RIF1: variants seen among roughly 807,000 people sequenced by gnomAD.
The protein encoded by RIF1 is telomere-associated protein RIF1.
In RIF1, 45 loss-of-function variants were observed where a neutral mutation model predicts 247.1. The ratio of observed to expected loss-of-function variants is 0.18; its 90% CI spans 0.14 to 0.23. The LOEUF is 0.23. Among genes scored for constraint, RIF1 ranks in the 10% least tolerant of loss-of-function variants. RIF1 has a pLI of 1.00. For synonymous variants in RIF1, 1,087 were observed against 978.8 expected (o/e 1.11, Z -2.06); for missense variants, 2,967 against 2,862.5 (o/e 1.04, Z -0.83).
the RIF1 span, chr2:151,514,312 G>C: frequency 1.3e-6 from 2 of 1,591,498 alleles, no homozygotes; most frequent in Non-Finnish European, 1.7e-6. Context: ...TCAGCTGTGG[G>C]CCTACCTCAT....
chr2:151,491,452 GATA>G (rs1218245712), intron 9 of RIF1: 7 of 370,182 alleles, frequency 1.9e-5, no homozygotes, highest in African/African-American at 6.2e-5. Flanking sequence ...AATTAGAAAT[GATA>G]ATAATGGGAG....
intron 3 of RIF1, among the ~76,000 whole-genome samples, chr2:151,412,828 G>A (rs1175081928): frequency 1.3e-5 from 2 of 151,908 alleles, no homozygotes; most frequent in Admixed American, 6.6e-5. Context: ...ACATTTTAAC[G>A]TGATTTTTGG....
At chr2:151,531,308 C>CTTTCTTTTT in the RIF1 span, among the ~76,000 whole-genome samples, 2 of 84,010 alleles carry the variant, frequency 2.4e-5, no homozygotes, top group East Asian at 7.7e-4. Flanking sequence ...TTTTTTCTTT[C>CTTTCTTTTT]TTTTTTTTTT....
intron 35 of RIF1, among the ~76,000 whole-genome samples, 161 bp from the exon 36 acceptor site, chr2:151,474,696 C>T (rs2048841816): frequency 2.0e-5 from 3 of 152,196 alleles, no homozygotes; most frequent in South Asian, 2.1e-4. Flanking sequence ...TAAGCAGCAG[C>T]GGCAGCTCTG....
At chr2:151,491,850 TAACA>T (rs2056855655) in intron 9 of RIF1, 1 of 1,220,986 alleles carries the variant, frequency 8.2e-7, no homozygotes, top group African/African-American at 1.5e-5. Flanking sequence ...GCATGAATTT[TAACA>T]ACCACCAAAG....
intron 33 of RIF1, 29 bp from the exon 34 acceptor site, chr2:151,469,676 ATATAAT>A (rs774593156): frequency 2.9e-5 from 42 of 1,425,118 alleles, no homozygotes; most frequent in African/African-American, 4.4e-5. Flanking sequence ...AAATAAAACT[ATATAAT>A]TATAATTTCC....
intron 12 of RIF1, chr2:151,505,564 A>G: frequency 6.2e-7 from 1 of 1,612,480 alleles, no homozygotes; most frequent in South Asian, 1.1e-5. Flanking sequence ...GCTTCCTTAT[A>G]CTTCACCTGC....
intron 10 of RIF1, chr2:151,496,495 C>G: frequency 6.9e-7 from 1 of 1,450,854 alleles, no homozygotes; most frequent in Non-Finnish European, 9.2e-7. Flanking sequence ...AAGTTATATG[C>G]TGACAAAATG....
chr2:151,427,076 C>T (rs1689227984), intron 8 of RIF1, among the ~76,000 whole-genome samples: 1 of 151,770 alleles, frequency 6.6e-6, no homozygotes, highest in African/African-American at 2.4e-5. Context: ...ATTTTCTAAA[C>T]CTTTTTTTTT....
At chr2:151,433,898 G>A (rs1376004458) in intron 10 of RIF1, among the ~76,000 whole-genome samples, 1 of 151,984 alleles carries the variant, frequency 6.6e-6, no homozygotes, top group Non-Finnish European at 1.5e-5. Context: ...TCAGCCGGGC[G>A]CGGTGACTCA....
At position 151,463,530 on chromosome 2, in the gene RIF1, G is replaced by T; in HGVS notation, c.4010G>T (p.Cys1337Phe). 6.2e-7 allele frequency: 1 copy of T among 1,614,042 alleles called. No individual in the cohort carries two copies. Among genetic ancestry groups the T allele is most frequent in the Non-Finnish European group, 8.5e-7 (1 of 1,179,984 alleles). Reference sequence around the variant, plus strand: ...CCTGGTTTGCTTAATCAAACAGAATGTGTGTCAGATAATCAGGTTCATCTT... The same window carrying T: ...CCTGGTTTGCTTAATCAAACAGAATTTGTGTCAGATAATCAGGTTCATCTT... ...NPPGLLNQTE[C>F]VSDNQVHLSE... Residue 1337 changes from cysteine to phenylalanine, a missense_variant, in exon 30 of 36, where the codon TGT becomes TTT. Around this residue, in one of 7 missense-constraint regions of RIF1, gnomAD observed 2,028 missense variants for 1,825.6 expected, o/e 1.11. Coordinates refer to ENST00000444746, the MANE Select transcript of RIF1 (RefSeq NM_018151.5).
At chr2:151,505,861 C>T (rs1559334066) in intron 12 of RIF1, 4 of 530,886 alleles carry the variant, frequency 7.5e-6, no homozygotes, top group East Asian at 3.2e-5. Context: ...CCCAGCAGGT[C>T]GTTTGACTAG....
rs1017897160 is a variant in RIF1, at chr2:151,436,837, C to A, written c.1206C>A (p.Ser402=). The stretch of plus-strand genomic sequence containing the variant: ...TTTTTTTTCTTAAAGGTGCTTCCTC[C>A]CCGTACGGAGCCCCGGGAACTCCCC... The part of the protein sequence containing the change: ...PMTPVHKGAS[S]PYGAPGTPRM... The change falls in exon 12 of 36, where the codon TCC becomes TCA. Residue 402 remains serine (S), a synonymous_variant. Coordinates refer to ENST00000444746, the MANE Select transcript of RIF1 (RefSeq NM_018151.5). The A allele has an allele frequency of 1.9e-6, 3 of 1,596,376 alleles. No homozygotes were observed. Among genetic ancestry groups the A allele is most frequent in the Non-Finnish European group, 2.6e-6 (3 of 1,173,252 alleles).
chr2:151,532,382 C>T, the RIF1 span, among the ~76,000 whole-genome samples: 1 of 152,092 alleles, frequency 6.6e-6, no homozygotes, highest in African/African-American at 2.4e-5. Context: ...TGAACATGTA[C>T]AATCTCCAAA....
chr2:151,531,207 T>G, the RIF1 span: 1 of 757,332 alleles, frequency 1.3e-6, no homozygotes, highest in Non-Finnish European at 2.2e-6. Context: ...GAAAGAGAAT[T>G]CTATGAATTT....
In RIF1 at chr2:151,454,898, C is replaced by T; in HGVS notation, c.2348C>T (p.Pro783Leu). The change falls in exon 22 of 36, where the codon CCA (proline) becomes CTA (leucine). Residue 783 changes from proline to leucine, a missense_variant. Pro to Leu is a moderately conservative substitution (Grantham distance 98, BLOSUM62 -3). Coordinates refer to ENST00000444746, the MANE Select transcript of RIF1 (RefSeq NM_018151.5). Reference protein sequence around the residue: ...NIKYQPKVKSPQRPSDWSKKK... With the variant: ...NIKYQPKVKSLQRPSDWSKKK... ...TTAATTCAGTTTTTGTTTTTAGCACCACAGAGACCTTCAGATTGGTCCAAA... is the reference window on the plus strand; with the variant it reads ...TTAATTCAGTTTTTGTTTTTAGCACTACAGAGACCTTCAGATTGGTCCAAA... The T allele has an allele frequency of 6.3e-7, 1 of 1,582,274 alleles. No homozygotes were observed. Among genetic ancestry groups the T allele is most frequent in the Non-Finnish European group, 8.6e-7 (1 of 1,164,266 alleles).
chr2:151,485,731 C>T, downstream of RIF1: 8 of 1,579,780 alleles, frequency 5.1e-6, no homozygotes, highest in Non-Finnish European at 6.9e-6. Context: ...TCTGTAAGTC[C>T]TGCAGACAAG....
At chr2:151,462,735 C>T in intron 29 of RIF1, 149 bp from the exon 30 acceptor site, 1 of 629,116 alleles carries the variant, frequency 1.6e-6, no homozygotes, top group South Asian at 2.2e-5. Flanking sequence ...TAGGTATCTA[C>T]CACTAACTTT....
In RIF1 at chr2:151,478,794, C is replaced by A. The variant is rs2049050774; in HGVS notation, c.*3723C>A. 6.6e-6 allele frequency: 1 copy of A among 151,990 alleles called. No homozygotes were observed. Among genetic ancestry groups the A allele is most frequent in the Non-Finnish European group, 1.5e-5 (1 of 67,994 alleles). The allele number at this position is 151,990 out of a possible 1,614,324, so 9.4% of individuals were successfully genotyped here. Reference sequence around the variant, plus strand: ...GGCCTAGGTTTCATCTCATATTCTTCATAATTGATTTTCAAGAAGTTAATT... The same window carrying A: ...GGCCTAGGTTTCATCTCATATTCTTAATAATTGATTTTCAAGAAGTTAATT... On this transcript the variant is annotated 3_prime_UTR_variant, in exon 36 of 36. Coordinates refer to ENST00000444746, the MANE Select transcript of RIF1 (RefSeq NM_018151.5).
Sources: gnomAD v4.1 joint callset for allele counts (sites outside exome capture counted in the v4.1 genomes callset) on GRCh38, gnomAD v4.1.1 for gene constraint, gnomAD v4.1.1 regional missense constraint, MANE v1.5 for transcripts, NCBI Gene and HGNC (gene_info 2026-07-23, HGNC 2026-07-21) for gene names.